The following FYN variants were observed in gnomAD, a reference collection of about 807,000 sequenced individuals.
FYN encodes the protein FYN proto-oncogene, Src family tyrosine kinase.
Under a neutral mutation model 70.2 loss-of-function variants are expected in FYN, and 10 were observed. The ratio of observed to expected loss-of-function variants is 0.14; its 90% CI spans 0.09 to 0.24. The LOEUF (loss-of-function observed/expected upper bound fraction) is 0.24. Ranked by LOEUF, FYN falls within the 10% of genes least tolerant of loss-of-function variation. FYN has a pLI of 1.00. For missense variants in FYN, 319 were observed against 673.1 expected (o/e 0.47, Z 5.82); for synonymous variants, 236 against 248.6 (o/e 0.95, Z 0.48).
intron 3 of FYN, among the ~76,000 whole-genome samples, chr6:111,754,281 G>T (rs1802614940): frequency 6.6e-6 from 1 of 152,120 alleles, no homozygotes; most frequent in Non-Finnish European, 1.5e-5. Flanking sequence ...AGAATCATTT[G>T]GGTGAGGGGT....
intron 3 of FYN, among the ~76,000 whole-genome samples, chr6:111,778,443 C>G (rs185414535): frequency 7.5e-4 from 114 of 152,302 alleles, no homozygotes; most frequent in African/African-American, 2.7e-3. Flanking sequence ...GACCAAGTCC[C>G]TGTCCCATGG....
intron 5 of FYN, among the ~76,000 whole-genome samples, chr6:111,712,098 T>C (rs1800407193): frequency 6.6e-6 from 1 of 152,196 alleles, no homozygotes; most frequent in Non-Finnish European, 1.5e-5. Context: ...TTGGTGACAC[T>C]GCAGATCGTT....
rs150063978 is a variant in FYN, at chr6:111,830,298, T to C, written c.-82+16291A>G. On this transcript the variant is annotated intron_variant, in intron 2 of 13. Coordinates refer to ENST00000354650, the MANE Select transcript of FYN (RefSeq NM_002037.5). ...GGATAACAGTGGTTTGAGACAGATA[T>C]GCAAGGAACCTGGAAAAATAGTTTC... is the stretch of plus-strand genomic sequence containing the variant. Among the ~76,000 whole-genome samples the C allele has an allele frequency of 1.1e-4, 16 of 152,260 alleles. No individual in the cohort carries two copies. The East Asian group carries it at 1.9e-3, about 18-fold the overall frequency.
At chr6:111,866,434 C>T (rs1032768536) in intron 1 of FYN, among the ~76,000 whole-genome samples, 2 of 152,238 alleles carry the variant, frequency 1.3e-5, no homozygotes, top group African/African-American at 4.8e-5. Context: ...CTCTGCCTCC[C>T]AGGCTCAAGC....
intron 2 of FYN, among the ~76,000 whole-genome samples, chr6:111,788,676 A>T (rs1333473894): frequency 6.6e-6 from 1 of 152,232 alleles, no homozygotes; most frequent in Non-Finnish European, 1.5e-5. Flanking sequence ...GCCATGCTAC[A>T]ATATTCTCTG....
At chr6:111,665,995 C>CTTTTTTTTTT (rs991104460) in intron 13 of FYN, among the ~76,000 whole-genome samples, 17 of 89,050 alleles carry the variant, frequency 1.9e-4, no homozygotes, top group South Asian at 4.0e-4. Flanking sequence ...CCTTTTTCTC[C>CTTTTTTTTTT]TTTTTTTTTT....
chr6:111,839,316 A>G (rs1430224949), intron 2 of FYN, among the ~76,000 whole-genome samples: 6 of 152,098 alleles, frequency 3.9e-5, no homozygotes, highest in African/African-American at 1.4e-4. Flanking sequence ...CTGGATCCCA[A>G]GCTATACCAT....
At chr6:111,836,465 A>G (rs1773190753) in intron 2 of FYN, among the ~76,000 whole-genome samples, 1 of 152,104 alleles carries the variant, frequency 6.6e-6, no homozygotes, top group South Asian at 2.1e-4. Flanking sequence ...AACAACAACA[A>G]CAACAAAACA....
chr6:111,674,851 A>G (rs1044897754), intron 12 of FYN, among the ~76,000 whole-genome samples: 2 of 152,252 alleles, frequency 1.3e-5, no homozygotes, highest in Admixed American at 6.5e-5. Flanking sequence ...TAGTACCTCA[A>G]TAAAGGGGGG....
chr6:111,844,633 A>C (rs1220039352), intron 2 of FYN: 2 of 152,214 alleles, frequency 1.3e-5, no homozygotes, highest in Non-Finnish European at 2.9e-5. Flanking sequence ...CACTCCATCC[A>C]AGCAGCATTT....
intron 2 of FYN, among the ~76,000 whole-genome samples, chr6:111,801,432 G>T (rs1771980652): frequency 6.6e-6 from 1 of 152,158 alleles, no homozygotes; most frequent in Non-Finnish European, 1.5e-5. Context: ...CTAGTTGCCA[G>T]GAAGCAGAAT....
intron 2 of FYN, among the ~76,000 whole-genome samples, chr6:111,789,855 C>T (rs1486845837): frequency 6.6e-6 from 1 of 152,170 alleles, no homozygotes; most frequent in African/African-American, 2.4e-5. Context: ...AGCTCTCTTC[C>T]AACCGGATTA....
At chr6:111,739,958 G>A (rs1801883676) in intron 3 of FYN, among the ~76,000 whole-genome samples, 1 of 152,074 alleles carries the variant, frequency 6.6e-6, no homozygotes, top group Non-Finnish European at 1.5e-5. Flanking sequence ...CCAGTAGCTG[G>A]GATTACAGAT....
At chr6:111,736,283 C>T (rs976830696) in intron 3 of FYN, among the ~76,000 whole-genome samples, 1 of 152,166 alleles carries the variant, frequency 6.6e-6, no homozygotes, top group African/African-American at 2.4e-5. Context: ...AGTTACACTT[C>T]AGTTTTGCAT....
At chr6:111,844,157 C>T (rs2114470428) in intron 2 of FYN, among the ~76,000 whole-genome samples, 1 of 152,324 alleles carries the variant, frequency 6.6e-6, no homozygotes, top group East Asian at 1.9e-4. Flanking sequence ...ATATAAAGCA[C>T]TCTGCATAGC....
chr6:111,771,779 T>A (rs1005779562), intron 3 of FYN, among the ~76,000 whole-genome samples: 1 of 152,198 alleles, frequency 6.6e-6, no homozygotes, highest in African/African-American at 2.4e-5. Context: ...CGGTTTCCAG[T>A]CAGGCATGGC....
intron 2 of FYN, among the ~76,000 whole-genome samples, chr6:111,838,474 G>C (rs1367811503): frequency 6.6e-6 from 1 of 152,184 alleles, no homozygotes; most frequent in Non-Finnish European, 1.5e-5. Flanking sequence ...CACTTTAGTG[G>C]CCTCAGTGAC....
At chr6:111,667,491 C>T (rs1238139008) in intron 13 of FYN, among the ~76,000 whole-genome samples, 1 of 152,032 alleles carries the variant, frequency 6.6e-6, no homozygotes, top group African/African-American at 2.4e-5. Flanking sequence ...TGGCCTCAAG[C>T]GATCCTCCCT....
At chr6:111,816,321 G>C (rs889558545) in intron 2 of FYN, among the ~76,000 whole-genome samples, 6 of 151,948 alleles carry the variant, frequency 3.9e-5, no homozygotes, top group Non-Finnish European at 7.4e-5. Context: ...CTAACAACTA[G>C]AGCAAAAGCT....
Sources: gnomAD v4.1 joint callset for allele counts (sites outside exome capture counted in the v4.1 genomes callset) on GRCh38, gnomAD v4.1.1 for gene constraint, MANE v1.5 for transcripts, NCBI Gene and HGNC (gene_info 2026-07-23, HGNC 2026-07-21) for gene names.